Variants in CNTNAP2 observed in about 807,000 individuals in gnomAD.
CNTNAP2 encodes contactin-associated protein-like 2.
In CNTNAP2, 98 loss-of-function variants were observed where a neutral mutation model predicts 155.2. That is an observed-to-expected ratio of 0.63 (90% confidence interval 0.54 to 0.75). The LOEUF (loss-of-function observed/expected upper bound fraction) is 0.75. CNTNAP2 is among the 30% of genes least tolerant of loss of function. The pLI is 0.00. For synonymous variants in CNTNAP2, 651 were observed against 631.2 expected, an observed-to-expected ratio of 1.03 and a Z score of -0.47; for missense variants, 1,727 against 1,688.1, an observed-to-expected ratio of 1.02 and a Z score of -0.40.
intron 12 of CNTNAP2, among the ~76,000 whole-genome samples, chr7:147,625,598 T>C (rs1352937232): frequency 6.6e-6 from 1 of 152,148 alleles, no homozygotes; most frequent in Non-Finnish European, 1.5e-5. Context: ...GAAATTGTTT[T>C]AAAATGTCAT....
At chr7:146,124,525 G>A (rs1295303726) in intron 1 of CNTNAP2, among the ~76,000 whole-genome samples, 1 of 151,994 alleles carries the variant, frequency 6.6e-6, no homozygotes, top group African/African-American at 2.4e-5. Context: ...TATTTTATGG[G>A]TCTTATTTTT....
At chr7:148,062,256 A>C (rs1050381961) in intron 15 of CNTNAP2, among the ~76,000 whole-genome samples, 1 of 152,138 alleles carries the variant, frequency 6.6e-6, no homozygotes, top group Non-Finnish European at 1.5e-5. Context: ...CCGGGTAACT[A>C]TAATAGCAGG....
At chr7:146,678,314 T>A (rs1409430596) in intron 1 of CNTNAP2, among the ~76,000 whole-genome samples, 1 of 152,030 alleles carries the variant, frequency 6.6e-6, no homozygotes, top group African/African-American at 2.4e-5. Context: ...CCTCAAGTGA[T>A]CCACCAACCT....
chr7:147,314,552 C>A (rs1280081481), intron 9 of CNTNAP2, among the ~76,000 whole-genome samples: 1 of 150,786 alleles, frequency 6.6e-6, no homozygotes, highest in African/African-American at 2.4e-5. Flanking sequence ...GATCAGTATG[C>A]AAATATAAAA....
At chr7:147,191,511 A>C (rs1367869638) in intron 8 of CNTNAP2, among the ~76,000 whole-genome samples, 1 of 152,110 alleles carries the variant, frequency 6.6e-6, no homozygotes, top group Non-Finnish European at 1.5e-5. Flanking sequence ...TCCTGGTGGC[A>C]TGTGGTATGA....
chr7:146,794,505 C>A (rs1331463106), intron 2 of CNTNAP2, among the ~76,000 whole-genome samples: 1 of 152,062 alleles, frequency 6.6e-6, no homozygotes, highest in Non-Finnish European at 1.5e-5. Context: ...AATAACATGA[C>A]CCTAAAGGAT....
intron 12 of CNTNAP2, among the ~76,000 whole-genome samples, chr7:147,599,335 A>T (rs1414491416): frequency 3.4e-5 from 5 of 148,680 alleles, no homozygotes; most frequent in Admixed American, 6.7e-5. Flanking sequence ...AATAAAAATT[A>T]AAAAAAAAAA....
chr7:146,283,003 G>A lies in CNTNAP2; in HGVS notation c.97+166030G>A, dbSNP rs562930353. 3.3e-5 allele frequency among the ~76,000 whole-genome samples: 5 copies of A among 152,278 alleles called. No individual in the cohort carries two copies. In the East Asian group the frequency reaches 5.8e-4, roughly 18 times the overall value. ...TCTTCAAATATTTATAAAACGCTGT[G>A]TCCTAAGTCCTAGCAATTATTGTAA... On this transcript the variant is annotated intron_variant, in intron 1 of 23. Transcript: ENST00000361727.
chr7:146,646,920 C>T (rs530835011), intron 1 of CNTNAP2, among the ~76,000 whole-genome samples: 2 of 152,232 alleles, frequency 1.3e-5, no homozygotes, highest in Non-Finnish European at 2.9e-5. Context: ...CAGTTTGACA[C>T]AGGACAAATT....
chr7:147,593,430 C>T (rs189897942), intron 12 of CNTNAP2, among the ~76,000 whole-genome samples: 4 of 151,898 alleles, frequency 2.6e-5, no homozygotes, highest in Middle Eastern at 3.4e-3. Context: ...TGACATGGCT[C>T]TGTTATTAAT....
At chr7:147,443,284 CT>C (rs1444190467) in intron 10 of CNTNAP2, among the ~76,000 whole-genome samples, 1 of 152,058 alleles carries the variant, frequency 6.6e-6, no homozygotes, top group East Asian at 1.9e-4. Context: ...TCTGGTTTTC[CT>C]TTCTGCTATA....
chr7:148,280,115 C>T (rs747863671), intron 21 of CNTNAP2, among the ~76,000 whole-genome samples: 14 of 151,894 alleles, frequency 9.2e-5, no homozygotes, highest in Non-Finnish European at 1.0e-4. Flanking sequence ...TCGAGACCAG[C>T]CTGGCCAACA....
chr7:147,955,198 G>A (rs1458477080), intron 14 of CNTNAP2, among the ~76,000 whole-genome samples: 1 of 152,150 alleles, frequency 6.6e-6, no homozygotes, highest in Admixed American at 6.6e-5. Flanking sequence ...ACAACTCGTT[G>A]ATAGTCATCA....
intron 1 of CNTNAP2, among the ~76,000 whole-genome samples, chr7:146,273,316 C>G (rs907682560): frequency 4.0e-5 from 6 of 151,534 alleles, no homozygotes; most frequent in Non-Finnish European, 5.9e-5. Flanking sequence ...TTATTCACAA[C>G]TATAACTAGG....
intron 11 of CNTNAP2, among the ~76,000 whole-genome samples, chr7:147,543,401 C>T (rs1799673218): frequency 1.3e-5 from 2 of 152,204 alleles, no homozygotes; most frequent in African/African-American, 4.8e-5. Flanking sequence ...GAACATGTTA[C>T]AGTGCTGCAG....
chr7:147,586,581 A>AGGGAGGGAGGGAG (rs1800630411), intron 12 of CNTNAP2, among the ~76,000 whole-genome samples: 1 of 86,096 alleles, frequency 1.2e-5, no homozygotes. Context: ...GAGGGAGGGA[A>AGGGAGGGAGGGAG]AGAGGAAAGG....
chr7:146,600,520 G>T (rs569589979), intron 1 of CNTNAP2, among the ~76,000 whole-genome samples: 1 of 152,096 alleles, frequency 6.6e-6, no homozygotes, highest in Non-Finnish European at 1.5e-5. Flanking sequence ...ATTCTAAAAG[G>T]TGAGGTGGAA....
At chr7:147,466,906 T>C (rs1211562326) in intron 10 of CNTNAP2, among the ~76,000 whole-genome samples, 3 of 151,956 alleles carry the variant, frequency 2.0e-5, no homozygotes, top group Non-Finnish European at 4.4e-5. Flanking sequence ...GTGACAAGAG[T>C]GAAACTCCAT....
intron 10 of CNTNAP2, among the ~76,000 whole-genome samples, chr7:147,474,948 G>T (rs1433092531): frequency 6.6e-6 from 1 of 152,132 alleles, no homozygotes; most frequent in Non-Finnish European, 1.5e-5. Flanking sequence ...TCACACAACA[G>T]CTAGAACAAT....
Sources: gnomAD v4.1 joint callset for allele counts (sites outside exome capture counted in the v4.1 genomes callset) on GRCh38, gnomAD v4.1.1 for gene constraint, MANE v1.5 for transcripts, NCBI Gene and HGNC (gene_info 2026-07-23, HGNC 2026-07-21) for gene names.